PLA2G2D: variants seen among roughly 807,000 people sequenced by gnomAD.
PLA2G2D encodes phospholipase A2 group IID, also known as group IID secretory phospholipase A2.
Under a neutral mutation model 13.9 loss-of-function variants are expected in PLA2G2D, and 17 were observed. That is an observed-to-expected ratio of 1.23 (90% CI 0.84 to 1.84). The LOEUF (loss-of-function observed/expected upper bound fraction) is 1.84. PLA2G2D is among the 40% of genes most tolerant of loss of function. The pLI, the probability that PLA2G2D is intolerant of heterozygous loss-of-function variation, is 0.00. For synonymous variants in PLA2G2D, 83 were observed against 69.3 expected, an observed-to-expected ratio of 1.20 and a Z score of -0.98; for missense variants, 194 against 178.7, an observed-to-expected ratio of 1.09 and a Z score of -0.49.
Position 20,114,211 on chromosome 1 carries a change from T to A in PLA2G2D, c.341A>T (p.Glu114Val). The change falls in exon 4 of 4, where the codon GAG becomes GTG. Residue 114 changes from glutamate to valine, a missense_variant. Glu to Val is a moderately radical substitution (Grantham distance 121). Transcript: ENST00000375105. ...CEQQLCACDK[E>V]VAFCLKRNLD... ...GTTGCGCTTCAGGCAGAAGGCCACC[T>A]CCTTGTCACAGGCACACAGCTGCTG... 2 of 1,609,684 alleles carry A rather than the reference T, an allele frequency of 1.2e-6. No individual in the cohort carries two copies. The highest frequency in any genetic ancestry group is 1.7e-6 in the Non-Finnish European group (2 of 1,177,350).
In PLA2G2D at chr1:20,113,997, G is replaced by C. The variant is rs1248187808; in HGVS notation, c.*117C>G. On this transcript the variant is annotated 3_prime_UTR_variant, in exon 4 of 4. Coordinates refer to ENST00000375105, the MANE Select transcript of PLA2G2D (RefSeq NM_012400.4). ...AGAAGGCATTGGTAGAGGGTTCCGG[G>C]GGAGGCTGGGACTACCTCCCCCCGG... 1 of 877,052 alleles carries C rather than the reference G, an allele frequency of 1.1e-6. No homozygotes were observed. The highest frequency in any genetic ancestry group is 1.7e-5 in the African/African-American group (1 of 59,204). The allele number at this position is 877,052 out of a possible 1,614,324, so 54.3% of individuals were successfully genotyped here.
chr1:20,115,658 G>A (rs2100674374), intron 2 of PLA2G2D, 45 bp from the exon 3 acceptor site: 2 of 1,251,168 alleles, frequency 1.6e-6, no homozygotes, highest in East Asian at 4.6e-5. Flanking sequence ...CCAGCCTACT[G>A]GGGTCTCTGG....
chr1:20,114,735 A>T (rs1017767672), intron 3 of PLA2G2D, among the ~76,000 whole-genome samples: 1 of 152,064 alleles, frequency 6.6e-6, no homozygotes, highest in African/African-American at 2.4e-5. Context: ...GGCAGGAGGG[A>T]TCACAGTTTC....
At chr1:20,116,545 G>A (rs2016995363) in intron 1 of PLA2G2D, 68 bp from the exon 2 acceptor site, 3 of 1,493,182 alleles carry the variant, frequency 2.0e-6, no homozygotes, top group Non-Finnish European at 2.8e-6. Context: ...ATGGGCACAG[G>A]ACGGCACCTC....
At position 20,114,274 on chromosome 1, in the gene PLA2G2D, G is replaced by A. The variant is rs1322885062; in HGVS notation, c.293-15C>T. On this transcript the variant is annotated splice_polypyrimidine_tract_variant and intron_variant, in intron 3 of 3. Transcript: ENST00000375105. ...TCCCTTGTCAGCTGTGGACGGAGAA[G>A]GGGGAGCTATGTGTTTGTCCTTTTC... 5 of 1,610,564 alleles carry A rather than the reference G, an allele frequency of 3.1e-6. No individual in the cohort carries two copies. In the South Asian group the frequency reaches 5.5e-5, roughly 18 times the overall value.
rs1452343449 is a variant in PLA2G2D at position 20,112,978 on chromosome 1, G to A, written c.*1136C>T. On this transcript the variant is annotated 3_prime_UTR_variant, in exon 4 of 4. Coordinates refer to ENST00000375105, the MANE Select transcript of PLA2G2D (RefSeq NM_012400.4). Reference sequence around the variant, plus strand: ...TAGGGGAAGGAGGCAGATTGGAGCAGTTGGCTGCCAACACCTGGCCTCACT... The same window carrying A: ...TAGGGGAAGGAGGCAGATTGGAGCAATTGGCTGCCAACACCTGGCCTCACT... 1.3e-5 allele frequency: 2 copies of A among 152,314 alleles called. No homozygotes were observed. Among genetic ancestry groups the A allele is most frequent in the Admixed American group, 6.5e-5 (1 of 15,288 alleles). 9.4% of individuals were successfully genotyped at this position (152,314 alleles called of 1,614,324 possible).
At chr1:20,116,538 G>A (rs1410799264) in intron 1 of PLA2G2D, 61 bp from the exon 2 acceptor site, 13 of 1,502,368 alleles carry the variant, frequency 8.7e-6, no homozygotes, top group Non-Finnish European at 6.5e-6. Context: ...AGCGCCAATG[G>A]GCACAGGACG....
At chr1:20,118,850 G>T (rs2017036484) in intron 1 of PLA2G2D, among the ~76,000 whole-genome samples, 1 of 152,122 alleles carries the variant, frequency 6.6e-6, no homozygotes, top group Non-Finnish European at 1.5e-5. Flanking sequence ...TAATCCTGGA[G>T]ACATGTTCCT....
rs1557766073 is a variant in PLA2G2D at position 20,111,974 on chromosome 1, T to TTTTATTTTATTTTATTTTATTTTATTTTA, written c.*2139_*2140insTAAAATAAAATAAAATAAAATAAAATAAA. 12 of 149,466 alleles carry TTTTATTTTATTTTATTTTATTTTATTTTA rather than the reference T, an allele frequency of 8.0e-5. 1 individual carries two copies. The highest frequency in any genetic ancestry group is 2.7e-4 in the African/African-American group (11 of 40,594). 9.3% of individuals were successfully genotyped at this position (149,466 alleles called of 1,614,324 possible). On this transcript the variant is annotated 3_prime_UTR_variant, in exon 4 of 4. Transcript: ENST00000375105. ...TTTTATTTTATTTTATTTTATTTTA[T>TTTTATTTTATTTTATTTTATTTTATTTTA]TTTATTTTTTGAGACAGAGTGTCAC...
chr1:20,115,623 A>G lies in PLA2G2D; in HGVS notation c.186-10T>C. 4 of 1,546,906 alleles carry G rather than the reference A, an allele frequency of 2.6e-6. 1 individual carries two copies. In the South Asian group the frequency reaches 4.5e-5, roughly 17 times the overall value. ...ATGGGTCTGGCAGCACCTGGAGCAGACAGGGTGCACAGCTGCATGGGTCCC... is the reference window on the plus strand; with the variant it reads ...ATGGGTCTGGCAGCACCTGGAGCAGGCAGGGTGCACAGCTGCATGGGTCCC... On this transcript the variant is annotated splice_polypyrimidine_tract_variant and intron_variant, in intron 2 of 3. Coordinates refer to ENST00000375105, the MANE Select transcript of PLA2G2D (RefSeq NM_012400.4).
At chr1:20,118,239 C>A (rs1291811966) in intron 1 of PLA2G2D, among the ~76,000 whole-genome samples, 1 of 152,144 alleles carries the variant, frequency 6.6e-6, no homozygotes, top group African/African-American at 2.4e-5. Flanking sequence ...CCCTTTCAAT[C>A]TGGGCTCAGA....
Position 20,119,480 on chromosome 1 carries a change from A to C in PLA2G2D, c.19T>G (p.Cys7Gly), listed in dbSNP as rs1557768910. Residue 7 changes from cysteine to glycine, a missense_variant, in exon 1 of 4, where the codon TGT becomes GGT. Coordinates refer to ENST00000375105, the MANE Select transcript of PLA2G2D (RefSeq NM_012400.4). MELALLCGLVVMAGVIP... is the reference protein window; with the variant it reads MELALLGGLVVMAGVIP... ...TCACCAGCCATCACCACCAGCCCAC[A>C]CAGCAGTGCAAGTTCCATGATCCCA... The C allele has an allele frequency of 6.2e-7, 1 of 1,613,912 alleles. No individual in the cohort carries two copies. Among genetic ancestry groups the C allele is most frequent in the Non-Finnish European group, 8.5e-7 (1 of 1,179,902 alleles).
At chr1:20,114,891 A>C (rs2016953962) in intron 3 of PLA2G2D, among the ~76,000 whole-genome samples, 1 of 152,162 alleles carries the variant, frequency 6.6e-6, no homozygotes, top group Non-Finnish European at 1.5e-5. Context: ...CCCTCAATTA[A>C]CAGCAGCTGC....
chr1:20,117,671 A>G (rs1014822798), intron 1 of PLA2G2D, among the ~76,000 whole-genome samples: 1 of 152,060 alleles, frequency 6.6e-6, no homozygotes, highest in African/African-American at 2.4e-5. Flanking sequence ...ACTCCTAGAG[A>G]TGATTAGAGA....
At chr1:20,118,265 C>A (rs571879941) in intron 1 of PLA2G2D, among the ~76,000 whole-genome samples, 1 of 152,160 alleles carries the variant, frequency 6.6e-6, no homozygotes, top group Non-Finnish European at 1.5e-5. Context: ...ATAAACTGAA[C>A]TCACACCTGA....
intron 1 of PLA2G2D, among the ~76,000 whole-genome samples, chr1:20,118,455 G>C (rs1014042689): frequency 6.6e-6 from 1 of 152,132 alleles, no homozygotes; most frequent in Non-Finnish European, 1.5e-5. Context: ...TCTTGCCTGG[G>C]TAACTTTTCC....
In PLA2G2D at chr1:20,114,334, G is replaced by A. The variant is rs964061491; in HGVS notation, c.293-75C>T. 7.5e-6 allele frequency: 11 copies of A among 1,474,782 alleles called. No individual in the cohort carries two copies. In the South Asian group the frequency reaches 1.3e-4, roughly 17 times the overall value. 91.4% of individuals were successfully genotyped at this position (1,474,782 alleles called of 1,614,324 possible). A position where few individuals can be genotyped will look rare whatever the true frequency, so the allele number is the denominator to read the frequency against. ...GGCAGGTATGAGTCTAGCAGCCTCT[G>A]AAGTCAGTGCAGTTCCTACTCAGTC... On this transcript the variant is annotated intron_variant, in intron 3 of 3. Transcript: ENST00000375105.
At position 20,115,629 on chromosome 1, in the gene PLA2G2D, T is replaced by C; in HGVS notation, c.186-16A>G. On this transcript the variant is annotated splice_polypyrimidine_tract_variant and intron_variant, in intron 2 of 3. Transcript: ENST00000375105. ...CTGGCAGCACCTGGAGCAGACAGGG[T>C]GCACAGCTGCATGGGTCCCCAGCCT... The C allele has an allele frequency of 6.6e-7, 1 of 1,505,806 alleles. No individual in the cohort carries two copies. The highest frequency in any genetic ancestry group is 9.2e-7 in the Non-Finnish European group (1 of 1,081,814). 93.3% of individuals were successfully genotyped at this position (1,505,806 alleles called of 1,614,324 possible). A position where few individuals can be genotyped will look rare whatever the true frequency, so the allele number is the denominator to read the frequency against.
chr1:20,116,203 G>T, intron 2 of PLA2G2D, 130 bp downstream of exon 2: 1 of 966,572 alleles, frequency 1.0e-6, no homozygotes, highest in African/African-American at 1.6e-5. Flanking sequence ...GGCACCCAGT[G>T]GTATTTAGCA....
Sources: allele counts gnomAD v4.1 joint callset (sites outside exome capture counted in the v4.1 genomes callset), GRCh38; gene constraint gnomAD v4.1.1; transcripts MANE v1.5; gene names NCBI Gene and HGNC (gene_info 2026-07-23, HGNC 2026-07-21).